Variants in INSC observed in about 807,000 individuals in gnomAD.
The protein encoded by INSC is INSC spindle orientation adaptor protein.
INSC carries 67 observed loss-of-function variants against 58.6 expected under a neutral mutation model. The ratio of observed to expected loss-of-function variants is 1.14; its 90% CI spans 0.94 to 1.40. The LOEUF is 1.40. Ranked by LOEUF, INSC falls within the 40% of genes most tolerant of loss-of-function variation. The pLI, the probability that INSC is intolerant of heterozygous loss-of-function variation, is 0.00. For synonymous variants in INSC, 262 were observed against 276.1 expected (o/e 0.95, Z 0.51); for missense variants, 714 against 692.0 (o/e 1.03, Z -0.36).
chr11:15,247,026 G>A lies in INSC; in HGVS notation c.*986G>A, dbSNP rs138236614. On this transcript the variant is annotated 3_prime_UTR_variant, in exon 13 of 13. Transcript: ENST00000379556. ...ACAGATGCTATAAAGCACAGCTTTC[G>A]CTTTTTTTTTTTTTAGAGAGAGCTG... 1.4e-5 allele frequency: 2 copies of A among 142,848 alleles called. No individual in the cohort carries two copies. Among genetic ancestry groups the A allele is most frequent in the East Asian group, 2.0e-4 (1 of 4,968 alleles). 8.8% of individuals were successfully genotyped at this position (142,848 alleles called of 1,614,324 possible).
chr11:15,122,014 G>T (rs1259602360), intron 1 of INSC, among the ~76,000 whole-genome samples: 1 of 152,098 alleles, frequency 6.6e-6, no homozygotes, highest in Non-Finnish European at 1.5e-5. Flanking sequence ...GAAGAGCCCT[G>T]GATCCTTTTA....
intron 6 of INSC, among the ~76,000 whole-genome samples, 181 bp from the exon 7 acceptor site, chr11:15,200,643 G>A (rs1185197273): frequency 6.6e-6 from 1 of 152,074 alleles, no homozygotes; most frequent in Non-Finnish European, 1.5e-5. Context: ...TCTGGAGCCA[G>A]CATTTCTCTG....
At chr11:15,245,807 A>T in intron 12 of INSC, 105 bp from the exon 13 acceptor site, 1 of 1,438,776 alleles carries the variant, frequency 7.0e-7, no homozygotes, top group Non-Finnish European at 9.4e-7. Context: ...ATTGTCTGGT[A>T]AATGCACCAC....
intron 7 of INSC, among the ~76,000 whole-genome samples, chr11:15,205,325 A>G (rs1470134871): frequency 6.6e-6 from 1 of 152,214 alleles, no homozygotes; most frequent in Non-Finnish European, 1.5e-5. Flanking sequence ...GCAGCCTATT[A>G]CAGTGGAGAG....
At chr11:15,173,100 C>G (rs1849455535) in intron 2 of INSC, among the ~76,000 whole-genome samples, 1 of 152,042 alleles carries the variant, frequency 6.6e-6, no homozygotes, top group Non-Finnish European at 1.5e-5. Flanking sequence ...AGGTCAGGAG[C>G]TGAACAAAAA....
At chr11:15,235,359 G>C (rs1207286854) in intron 9 of INSC, among the ~76,000 whole-genome samples, 1 of 152,200 alleles carries the variant, frequency 6.6e-6, no homozygotes, top group East Asian at 1.9e-4. Flanking sequence ...GGGTGTCCTG[G>C]GGCCCTTGGG....
upstream of INSC, chr11:15,112,420 C>A: frequency 6.8e-7 from 1 of 1,480,836 alleles, no homozygotes; most frequent in Non-Finnish European, 9.2e-7. Context: ...AAGCTGTTCA[C>A]AGGGGCCTCT....
chr11:15,124,820 T>C (rs1191501469), intron 1 of INSC, among the ~76,000 whole-genome samples: 1 of 152,156 alleles, frequency 6.6e-6, no homozygotes, highest in Non-Finnish European at 1.5e-5. Flanking sequence ...TAACAGCATC[T>C]TGGAAAAATG....
Position 15,221,626 on chromosome 11 carries a change from G to A in INSC, c.969G>A (p.Glu323=), listed in dbSNP as rs1215554812. 6.2e-7 allele frequency: 1 copy of A among 1,613,310 alleles called. No individual in the cohort carries two copies. The highest frequency in any genetic ancestry group is 2.2e-5 in the East Asian group (1 of 44,838). Residue 323 remains glutamate, a synonymous_variant, in exon 8 of 13, where the codon GAG becomes GAA. Coordinates refer to ENST00000379556, the MANE Select transcript of INSC (RefSeq NM_001042536.3). ...QHLSSFLESM[E]EIVTALVKLC... is the part of the protein sequence containing the mutation. ...TCAGTAGCTTCCTGGAGAGCATGGA[G>A]GAGATCGTGACAGCCCTCGTCAGTG...
chr11:15,228,580 C>A (rs949157409), intron 9 of INSC, among the ~76,000 whole-genome samples: 1 of 152,196 alleles, frequency 6.6e-6, no homozygotes, highest in African/African-American at 2.4e-5. Context: ...GATCAGAGGG[C>A]TCTCTGTAAT....
At chr11:15,215,045 C>A (rs145498128) in intron 7 of INSC, among the ~76,000 whole-genome samples, 266 of 152,340 alleles carry the variant, frequency 1.7e-3, no homozygotes, top group South Asian at 7.0e-3. Flanking sequence ...AATTTCCATG[C>A]TGTTCCTCCC....
intron 2 of INSC, among the ~76,000 whole-genome samples, chr11:15,168,827 T>C (rs980395485): frequency 9.9e-5 from 15 of 152,194 alleles, no homozygotes; most frequent in Non-Finnish European, 2.2e-4. Flanking sequence ...TAGTTAGGTT[T>C]CTTTATCTGG....
At chr11:15,114,739 G>A (rs1346587024), upstream of INSC, among the ~76,000 whole-genome samples, 1 of 152,146 alleles carries the variant, frequency 6.6e-6, no homozygotes, top group African/African-American at 2.4e-5. Flanking sequence ...AAATAGCCTC[G>A]TAGTCCCGCG....
chr11:15,119,055 CGA>C (rs1775433394), intron 1 of INSC, among the ~76,000 whole-genome samples: 1 of 152,174 alleles, frequency 6.6e-6, no homozygotes, highest in African/African-American at 2.4e-5. Flanking sequence ...CCACTGACCA[CGA>C]GAGATGCCGG....
chr11:15,191,900 G>T (rs1407741466), intron 6 of INSC, among the ~76,000 whole-genome samples: 1 of 152,168 alleles, frequency 6.6e-6, no homozygotes, highest in Non-Finnish European at 1.5e-5. Flanking sequence ...AAAGATATTG[G>T]CCAGTGTTCA....
chr11:15,163,782 C>A (rs981110452), intron 2 of INSC, among the ~76,000 whole-genome samples: 1 of 152,146 alleles, frequency 6.6e-6, no homozygotes, highest in Non-Finnish European at 1.5e-5. Context: ...TTAGTAGAGA[C>A]AAGGTTTCAC....
intron 12 of INSC, among the ~76,000 whole-genome samples, chr11:15,245,246 G>T (rs1014144704): frequency 6.6e-6 from 1 of 152,124 alleles, no homozygotes; most frequent in Non-Finnish European, 1.5e-5. Flanking sequence ...CTTCATGGGG[G>T]AGGTGACAAT....
At chr11:15,243,330 C>CACTT (rs1037893168) in intron 12 of INSC, among the ~76,000 whole-genome samples, 2 of 152,222 alleles carry the variant, frequency 1.3e-5, no homozygotes, top group Admixed American at 1.3e-4. Flanking sequence ...GAGGAAGTTT[C>CACTT]ACTTATTGTC....
chr11:15,267,825 G>T, the INSC span, among the ~76,000 whole-genome samples: 1 of 151,934 alleles, frequency 6.6e-6, no homozygotes, highest in African/African-American at 2.4e-5. Flanking sequence ...AAGACATTGT[G>T]AATTTGCTTT....
Sources: allele counts gnomAD v4.1 joint callset (sites outside exome capture counted in the v4.1 genomes callset), GRCh38; gene constraint gnomAD v4.1.1; transcripts MANE v1.5; gene names NCBI Gene and HGNC (gene_info 2026-07-23, HGNC 2026-07-21).